The following NMNAT3 variants were observed in gnomAD, a reference collection of about 807,000 sequenced individuals.
The protein encoded by NMNAT3 is nicotinamide/nicotinic acid mononucleotide adenylyltransferase 3.
NMNAT3 carries 21 observed loss-of-function variants against 24.8 expected under a neutral mutation model. That is an observed-to-expected ratio of 0.85 (90% confidence interval 0.60 to 1.22). The LOEUF is 1.22. NMNAT3 is among the 50% of genes most tolerant of loss of function. NMNAT3 has a pLI of 0.00. For synonymous variants in NMNAT3, 136 were observed against 155.2 expected (o/e 0.88, Z 0.92); for missense variants, 387 against 436.6 (o/e 0.89, Z 1.01).
Position 139,596,941 on chromosome 3 carries a change from TA to T in NMNAT3, c.110-13734del, listed in dbSNP as rs1270491380. ...GTATATATATATATATATATATATA[TA>T]TATATATATATATATATATATATTT... is the stretch of plus-strand genomic sequence containing the variant. On this transcript the variant is annotated intron_variant, in intron 3 of 6. Coordinates refer to ENST00000643695, the MANE Select transcript of NMNAT3 (RefSeq NM_001320510.2). 8.8e-4 allele frequency among the ~76,000 whole-genome samples: 97 copies of T among 110,844 alleles called. 4 individuals carry two copies. The highest frequency in any genetic ancestry group is 4.5e-3 in the African/African-American group (94 of 20,890). The allele number at this position is 110,844 out of a possible 152,430, so 72.7% of individuals were successfully genotyped here. A position where few individuals can be genotyped will look rare whatever the true frequency, so the allele number is the denominator to read the frequency against.
At chr3:139,673,985 A>C (rs1358665895) in intron 1 of NMNAT3, among the ~76,000 whole-genome samples, 1 of 152,096 alleles carries the variant, frequency 6.6e-6, no homozygotes, top group African/African-American at 2.4e-5. Context: ...CCTGCAACAG[A>C]GTGTGCCTCT....
At chr3:139,605,272 T>C (rs897097678) in intron 3 of NMNAT3, among the ~76,000 whole-genome samples, 1 of 152,246 alleles carries the variant, frequency 6.6e-6, no homozygotes. Context: ...GGTTTGTGAA[T>C]GCACCTATTG....
intron 4 of NMNAT3, among the ~76,000 whole-genome samples, chr3:139,581,315 C>T (rs1940149044): frequency 6.7e-6 from 1 of 150,296 alleles, no homozygotes; most frequent in Non-Finnish European, 1.5e-5. Flanking sequence ...ATGTAATTTT[C>T]ATTAATTTTC....
At chr3:139,565,105 T>C (rs1936977131) in intron 6 of NMNAT3, among the ~76,000 whole-genome samples, 1 of 152,326 alleles carries the variant, frequency 6.6e-6, no homozygotes, top group African/African-American at 2.4e-5. Flanking sequence ...AAACCTTTTA[T>C]GTAGTTTCTT....
chr3:139,662,722 T>C (rs1482990444), intron 1 of NMNAT3, among the ~76,000 whole-genome samples: 2 of 152,164 alleles, frequency 1.3e-5, no homozygotes, highest in African/African-American at 2.4e-5. Context: ...TGGCCACCCA[T>C]TGGGCCATCT....
At chr3:139,614,604 C>T (rs1224107572) in intron 3 of NMNAT3, among the ~76,000 whole-genome samples, 2 of 152,240 alleles carry the variant, frequency 1.3e-5, no homozygotes, top group African/African-American at 4.8e-5. Flanking sequence ...CTGATGTTTC[C>T]TCAGGAGGAG....
chr3:139,586,446 A>G (rs2053943760), intron 3 of NMNAT3, among the ~76,000 whole-genome samples: 1 of 152,160 alleles, frequency 6.6e-6, no homozygotes, highest in Non-Finnish European at 1.5e-5. Flanking sequence ...GGAAAAGTTG[A>G]TCCTAAGAGT....
chr3:139,617,246 A>G (rs1263606881), intron 3 of NMNAT3, among the ~76,000 whole-genome samples: 1 of 152,180 alleles, frequency 6.6e-6, no homozygotes, highest in Non-Finnish European at 1.5e-5. Flanking sequence ...GTGTTTGTCT[A>G]TTCCAGAACC....
intron 3 of NMNAT3, among the ~76,000 whole-genome samples, chr3:139,596,682 T>C (rs907487895): frequency 5.3e-5 from 8 of 151,824 alleles, no homozygotes; most frequent in Admixed American, 4.6e-4. Context: ...AGTTAACAAA[T>C]AAAGAAAAAT....
intron 1 of NMNAT3, among the ~76,000 whole-genome samples, chr3:139,662,724 G>A (rs1180169803): frequency 6.6e-6 from 1 of 152,128 alleles, no homozygotes; most frequent in Admixed American, 6.5e-5. Flanking sequence ...GCCACCCATT[G>A]GGCCATCTGG....
At chr3:139,572,961 C>T (rs1938639374) in intron 6 of NMNAT3, among the ~76,000 whole-genome samples, 1 of 152,174 alleles carries the variant, frequency 6.6e-6, no homozygotes, top group Non-Finnish European at 1.5e-5. Flanking sequence ...TCTGCACGCC[C>T]ACCGCTGCAT....
chr3:139,579,158 G>C (rs1412706734), intron 4 of NMNAT3, 103 bp from the exon 5 acceptor site: 26 of 921,472 alleles, frequency 2.8e-5, no homozygotes, highest in South Asian at 2.1e-4. Context: ...CTCATCCTGA[G>C]TGGTAGTAGA....
At chr3:139,621,386 T>C (rs35761604) in intron 3 of NMNAT3, among the ~76,000 whole-genome samples, 13,700 of 152,228 alleles carry the variant, frequency 0.09, 856 homozygotes, top group Non-Finnish European at 0.14. Context: ...TTGTTTTATT[T>C]TGTTTGTCGA....
At chr3:139,673,193 A>G (rs1380172463) in intron 1 of NMNAT3, among the ~76,000 whole-genome samples, 3 of 152,240 alleles carry the variant, frequency 2.0e-5, no homozygotes, top group Admixed American at 6.5e-5. Flanking sequence ...AAAAGGCTCC[A>G]GTGCCCACGC....
At chr3:139,660,593 A>G (rs988552108) in intron 1 of NMNAT3, among the ~76,000 whole-genome samples, 1 of 152,240 alleles carries the variant, frequency 6.6e-6, no homozygotes, top group Non-Finnish European at 1.5e-5. Flanking sequence ...TATCTGAAGG[A>G]TAACATTGTA....
intron 1 of NMNAT3, among the ~76,000 whole-genome samples, chr3:139,662,274 C>T (rs2057440426): frequency 6.6e-6 from 1 of 152,056 alleles, no homozygotes; most frequent in South Asian, 2.1e-4. Context: ...GTCAGATGAA[C>T]CTAATTTGTA....
intron 6 of NMNAT3, chr3:139,567,802 C>G (rs1403624181): frequency 1.3e-5 from 2 of 152,052 alleles, no homozygotes; most frequent in Non-Finnish European, 2.9e-5. Context: ...CTAAAATTCT[C>G]TTTTTTTGTT....
intron 2 of NMNAT3, chr3:139,636,092 C>G (rs1310194450): frequency 6.6e-6 from 1 of 152,316 alleles, no homozygotes. Context: ...TGCCTACCTC[C>G]AGGTTTCTTT....
At chr3:139,594,998 A>G (rs149072375) in intron 3 of NMNAT3, among the ~76,000 whole-genome samples, 21,048 of 152,172 alleles carry the variant, frequency 0.14, 1,897 homozygotes, top group Non-Finnish European at 0.21. Context: ...AGGGTATTCA[A>G]TTAGGAAAAG....
Sources: gnomAD v4.1 joint callset for allele counts (sites outside exome capture counted in the v4.1 genomes callset) on GRCh38, gnomAD v4.1.1 for gene constraint, MANE v1.5 for transcripts, NCBI Gene and HGNC (gene_info 2026-07-23, HGNC 2026-07-21) for gene names.